The following ADAMTSL1 variants were observed in gnomAD, a reference collection of about 807,000 sequenced individuals.
The protein encoded by ADAMTSL1 is ADAMTS like 1.
A neutral mutation model predicts 201.8 loss-of-function variants in ADAMTSL1; 126 were observed. The ratio of observed to expected loss-of-function variants is 0.62; its 90% CI spans 0.54 to 0.72. The LOEUF (loss-of-function observed/expected upper bound fraction) is 0.72. Ranked by LOEUF, ADAMTSL1 falls within the 30% of genes least tolerant of loss-of-function variation. ADAMTSL1 has a pLI of 0.00. For synonymous variants in ADAMTSL1, 1,121 were observed against 903.4 expected (o/e 1.24, Z -4.32); for missense variants, 2,679 against 2,277.8 (o/e 1.18, Z -3.59).
chr9:17,960,206 G>A (rs1034836389), intron 1 of ADAMTSL1, among the ~76,000 whole-genome samples: 1 of 152,142 alleles, frequency 6.6e-6, no homozygotes, highest in Non-Finnish European at 1.5e-5. Context: ...TCAGTAAGAA[G>A]GGACAAAGTG....
At chr9:18,053,075 A>G (rs556337815) in intron 1 of ADAMTSL1, among the ~76,000 whole-genome samples, 2 of 152,332 alleles carry the variant, frequency 1.3e-5, no homozygotes, top group South Asian at 4.1e-4. Context: ...CAAAATCCAT[A>G]AAGCTAAAGG....
At chr9:18,052,871 C>T (rs1391168209) in intron 1 of ADAMTSL1, among the ~76,000 whole-genome samples, 1 of 152,102 alleles carries the variant, frequency 6.6e-6, no homozygotes, top group African/African-American at 2.4e-5. Context: ...TCAGCACAAA[C>T]CAAAGTAAAA....
rs1166429933 is a variant in ADAMTSL1 at position 18,639,306 on chromosome 9, C to T, written c.729C>T (p.Ser243=). ...QGTKGENSLS[S]TGTFLVDNSS... is the part of the protein sequence containing the mutation. ...CTAAAGGTGAAAACAGTCTCAGCTC[C>T]ACAGGAACTTTCCTTGTGGACAATT... Residue 243 remains serine (S), a synonymous_variant, in exon 7 of 29, where the codon TCC becomes TCT. Coordinates refer to ENST00000380548, the MANE Select transcript of ADAMTSL1 (RefSeq NM_001040272.6). 1 of 1,613,016 alleles carries T rather than the reference C, an allele frequency of 6.2e-7. No homozygotes were observed. Among genetic ancestry groups the T allele is most frequent in the South Asian group, 1.1e-5 (1 of 91,050 alleles).
chr9:18,698,501 G>T (rs917649092), intron 13 of ADAMTSL1, among the ~76,000 whole-genome samples: 2 of 152,016 alleles, frequency 1.3e-5, no homozygotes, highest in Non-Finnish European at 2.9e-5. Context: ...GGCCAGGCTG[G>T]TCTTGAACTC....
Position 17,936,937 on chromosome 9 carries a change from T to C in ADAMTSL1, c.87+30015T>C, listed in dbSNP as rs114392186. On this transcript the variant is annotated intron_variant, in intron 1 of 29. Transcript: ENST00000680146. ...GGGTAGCATGTTTGGGTTGGGTTGT[T>C]GGAGGGGTTTCCCATGGACATGGTT... 4.2e-3 allele frequency among the ~76,000 whole-genome samples: 632 copies of C among 152,288 alleles called. 6 individuals are homozygous for C. Among genetic ancestry groups the C allele is most frequent in the African/African-American group, 0.015 (606 of 41,570 alleles).
chr9:18,154,714 AC>A (rs1265509391), intron 1 of ADAMTSL1, among the ~76,000 whole-genome samples: 1 of 152,100 alleles, frequency 6.6e-6, no homozygotes, highest in Admixed American at 6.6e-5. Context: ...GACTTGAGAG[AC>A]AAAAACAATT....
At chr9:18,620,082 A>G (rs944533731) in intron 4 of ADAMTSL1, among the ~76,000 whole-genome samples, 16 of 133,904 alleles carry the variant, frequency 1.2e-4, no homozygotes, top group Admixed American at 3.5e-4. Context: ...GTTAGTATCC[A>G]GGCATTTCTA....
At chr9:18,023,983 A>G (rs2131589177) in intron 1 of ADAMTSL1, among the ~76,000 whole-genome samples, 1 of 152,150 alleles carries the variant, frequency 6.6e-6, no homozygotes, top group Admixed American at 6.5e-5. Flanking sequence ...TCTTTTATAG[A>G]TCTTTATTCA....
chr9:18,542,793 A>C (rs1473015905), intron 3 of ADAMTSL1, among the ~76,000 whole-genome samples: 1 of 152,200 alleles, frequency 6.6e-6, no homozygotes, highest in African/African-American at 2.4e-5. Context: ...CTTCTGACAA[A>C]GTACTGTTTC....
chr9:18,292,206 G>T (rs1008964637), intron 2 of ADAMTSL1, among the ~76,000 whole-genome samples: 3 of 152,044 alleles, frequency 2.0e-5, no homozygotes, highest in African/African-American at 7.2e-5. Flanking sequence ...GAAGCTTCAG[G>T]TGATCTTCTA....
At chr9:18,691,499 C>T (rs887485780) in intron 13 of ADAMTSL1, among the ~76,000 whole-genome samples, 1 of 152,132 alleles carries the variant, frequency 6.6e-6, no homozygotes, top group African/African-American at 2.4e-5. Context: ...ATGTTAAAAA[C>T]AGGCTATAGA....
chr9:18,646,683 G>T (rs939508187), intron 7 of ADAMTSL1, among the ~76,000 whole-genome samples: 6 of 151,390 alleles, frequency 4.0e-5, no homozygotes, highest in Non-Finnish European at 7.4e-5. Flanking sequence ...TTTATATGCT[G>T]GATTACATTT....
chr9:18,453,434 C>A (rs779578919), intron 2 of ADAMTSL1, among the ~76,000 whole-genome samples: 25 of 152,160 alleles, frequency 1.6e-4, no homozygotes, highest in Non-Finnish European at 3.2e-4. Context: ...ATACTAATCT[C>A]CTTAGCAAAT....
At chr9:18,718,198 T>A in intron 14 of ADAMTSL1, 1 of 780,262 alleles carries the variant, frequency 1.3e-6, no homozygotes, top group East Asian at 2.4e-5. Flanking sequence ...ACAAGAATCA[T>A]TGGAACATCA....
chr9:18,649,305 GT>G (rs893238740), intron 7 of ADAMTSL1, among the ~76,000 whole-genome samples: 51 of 151,888 alleles, frequency 3.4e-4, no homozygotes, highest in African/African-American at 1.2e-3. Flanking sequence ...TTTTTTCAAA[GT>G]TTTCAACTTC....
chr9:18,307,246 A>G (rs1477530934), intron 2 of ADAMTSL1, among the ~76,000 whole-genome samples: 1 of 152,160 alleles, frequency 6.6e-6, no homozygotes, highest in Non-Finnish European at 1.5e-5. Flanking sequence ...AAAACATACC[A>G]AATTGTAAAG....
chr9:18,337,038 G>A (rs1178410135), intron 2 of ADAMTSL1, among the ~76,000 whole-genome samples: 1 of 152,126 alleles, frequency 6.6e-6, no homozygotes, highest in Non-Finnish European at 1.5e-5. Flanking sequence ...AGGCTGCAAA[G>A]TATTGATCCT....
chr9:18,902,992 G>T (rs1476009371), intron 26 of ADAMTSL1, among the ~76,000 whole-genome samples: 20 of 152,154 alleles, frequency 1.3e-4, no homozygotes, highest in Admixed American at 1.3e-3. Context: ...ATCACTTGAG[G>T]TCAGGAGTTC....
chr9:18,396,305 T>A (rs1420671756), intron 2 of ADAMTSL1, among the ~76,000 whole-genome samples: 1 of 152,146 alleles, frequency 6.6e-6, no homozygotes, highest in East Asian at 1.9e-4. Context: ...TGCCCCCTCC[T>A]GGACTTATTC....
Sources: allele counts gnomAD v4.1 joint callset (sites outside exome capture counted in the v4.1 genomes callset), GRCh38; gene constraint gnomAD v4.1.1; transcripts MANE v1.5; gene names NCBI Gene and HGNC (gene_info 2026-07-23, HGNC 2026-07-21).